The following TBC1D7 variants were observed in gnomAD, a reference collection of about 807,000 sequenced individuals.
TBC1D7 encodes TBC1 domain family member 7.
Under a neutral mutation model 35.3 loss-of-function variants are expected in TBC1D7, and 33 were observed. That is an observed-to-expected ratio of 0.93 (90% confidence interval 0.71 to 1.25). The LOEUF (loss-of-function observed/expected upper bound fraction) is 1.25. Ranked by LOEUF, TBC1D7 falls within the 50% of genes most tolerant of loss-of-function variation. TBC1D7 has a pLI of 0.00. For synonymous variants in TBC1D7, 135 were observed against 129.5 expected (o/e 1.04, Z -0.29); for missense variants, 362 against 365.3 (o/e 0.99, Z 0.07).
At chr6:13,318,579 T>C (rs1283954059) in intron 4 of TBC1D7, 1 of 152,220 alleles carries the variant, frequency 6.6e-6, no homozygotes, top group African/African-American at 2.4e-5. Flanking sequence ...ACGTAAGAAA[T>C]ATAAATGATC....
At chr6:13,326,411 C>A (rs1784408136) in intron 2 of TBC1D7, among the ~76,000 whole-genome samples, 1 of 148,824 alleles carries the variant, frequency 6.7e-6, no homozygotes, top group Admixed American at 6.7e-5. Context: ...TGCTGTGAGC[C>A]AAGATCACAC....
Position 13,325,393 on chromosome 6 carries a change from T to A in TBC1D7, c.113-219A>T, listed in dbSNP as rs551957840. Among the ~76,000 whole-genome samples, 4 of 152,358 alleles carry A rather than the reference T, an allele frequency of 2.6e-5. No homozygotes were observed. The South Asian group carries it at 8.3e-4, about 32-fold the overall frequency. On this transcript the variant is annotated intron_variant, in intron 2 of 7. Coordinates refer to ENST00000379300, the MANE Select transcript of TBC1D7 (RefSeq NM_016495.6). ...AAAAACAATTTGCGGCCAGGCACGGTGGCTCATGCCTGTAATCCCAGAACT... is the reference window on the plus strand; with the variant it reads ...AAAAACAATTTGCGGCCAGGCACGGAGGCTCATGCCTGTAATCCCAGAACT...
At position 13,326,793 on chromosome 6, in the gene TBC1D7, G is replaced by T; in HGVS notation, c.106C>A (p.Arg36Ser). 6.2e-7 allele frequency: 1 copy of T among 1,604,336 alleles called. No homozygotes were observed. The highest frequency in any genetic ancestry group is 1.3e-5 in the African/African-American group (1 of 74,806). The change falls in exon 2 of 8, where the codon CGT (arginine) becomes AGT (serine). Residue 36 changes from arginine to serine, a missense_variant. Transcript: ENST00000379300. ...AATTTTTAAAAGTACTCACCCAGAC[G>T]GTCATCTTTTAGGAGAATTTCTAAT... ...KSLEILLKDD[R>S]LDTEKLCTFS...
chr6:13,317,580 T>G (rs57343378), intron 4 of TBC1D7, among the ~76,000 whole-genome samples: 4,242 of 152,296 alleles, frequency 0.028, 186 homozygotes, highest in African/African-American at 0.096. Context: ...AAGAAAAACA[T>G]AATTTAAATC....
chr6:13,308,143 T>C (rs1313534520), intron 5 of TBC1D7, among the ~76,000 whole-genome samples: 1 of 151,990 alleles, frequency 6.6e-6, no homozygotes, highest in Non-Finnish European at 1.5e-5. Context: ...CAGCAGATTA[T>C]ATACTAAGGA....
At chr6:13,324,166 C>A (rs899218341) in intron 3 of TBC1D7, among the ~76,000 whole-genome samples, 1 of 150,982 alleles carries the variant, frequency 6.6e-6, no homozygotes, top group Non-Finnish European at 1.5e-5. Context: ...CTCGCTCTGT[C>A]GCCCAGGCTG....
intron 4 of TBC1D7, chr6:13,320,517 C>T (rs780131941): frequency 2.0e-5 from 10 of 508,326 alleles, no homozygotes; most frequent in Non-Finnish European, 2.4e-5. Flanking sequence ...CAGATGCACA[C>T]AAAGCAAAAC....
intron 4 of TBC1D7, 89 bp downstream of exon 4, chr6:13,320,819 T>C (rs1469491536): frequency 1.5e-6 from 2 of 1,353,124 alleles, no homozygotes; most frequent in East Asian, 2.3e-5. Flanking sequence ...CCACCAAAAG[T>C]TTTTAAGGCA....
chr6:13,314,674 C>T (rs1434431842), intron 5 of TBC1D7, among the ~76,000 whole-genome samples: 1 of 152,130 alleles, frequency 6.6e-6, no homozygotes, highest in Non-Finnish European at 1.5e-5. Context: ...AAAAACTGCT[C>T]TTGTAAGTGT....
chr6:13,314,239 T>C (rs568998594), intron 5 of TBC1D7, among the ~76,000 whole-genome samples: 7 of 150,878 alleles, frequency 4.6e-5, no homozygotes, highest in Non-Finnish European at 7.4e-5. Context: ...AATCATATCA[T>C]AGATGCATGC....
At chr6:13,320,702 TAA>T in intron 4 of TBC1D7, 1 of 681,234 alleles carries the variant, frequency 1.5e-6, no homozygotes, top group South Asian at 1.6e-5. Context: ...TACTTCAAAA[TAA>T]AACGTATTTT....
At chr6:13,322,849 A>T (rs1338120411) in intron 3 of TBC1D7, among the ~76,000 whole-genome samples, 1 of 152,238 alleles carries the variant, frequency 6.6e-6, no homozygotes, top group Non-Finnish European at 1.5e-5. Flanking sequence ...TGCTAGAGGC[A>T]GCACATTAAC....
chr6:13,308,205 G>C (rs1421617110), intron 5 of TBC1D7, among the ~76,000 whole-genome samples: 1 of 152,204 alleles, frequency 6.6e-6, no homozygotes, highest in Non-Finnish European at 1.5e-5. Flanking sequence ...TGGGATTAGA[G>C]TGGGGAGAGG....
rs200063581 is a variant in TBC1D7, at chr6:13,307,752, A to T, written c.520-7T>A. 338 of 1,612,080 alleles carry T rather than the reference A, an allele frequency of 2.1e-4. 1 individual carries two copies. The highest frequency in any genetic ancestry group is 2.8e-4 in the Non-Finnish European group (329 of 1,178,646). On this transcript the variant is annotated splice_region_variant and splice_polypyrimidine_tract_variant and intron_variant, in intron 5 of 7. Transcript: ENST00000379300. ...ATTGTTCAAACGCTTTTGGCTAAAG[A>T]TTAAGCAAGAACAGAGATTATTCAT...
intron 4 of TBC1D7, chr6:13,319,102 T>A (rs551017238): frequency 2.6e-5 from 4 of 152,120 alleles, no homozygotes; most frequent in Admixed American, 6.5e-5. Context: ...CAGACCCAAA[T>A]TGAGAAATGC....
chr6:13,316,575 T>G lies in TBC1D7; in HGVS notation c.515A>C (p.Gln172Pro), dbSNP rs1783636646. 1.3e-6 allele frequency: 2 copies of G among 1,595,402 alleles called. No individual in the cohort carries two copies. The highest frequency in any genetic ancestry group is 1.8e-5 in the Admixed American group (1 of 56,200). Residue 172 changes from glutamine (Q) to proline (P), a missense_variant, in exon 5 of 8, where the codon CAG (glutamine) becomes CCG (proline). Gln to Pro is a moderately conservative substitution (Grantham distance 76). Transcript: ENST00000379300. ...LNTKYRDSLP[Q>P]LPKAFEQYLN... ...AAAAAAAAAAAAAGCCCTCACCAAC[T>G]GGGGCAAGGAATCCCGGTACTTGGT...
chr6:13,317,553 A>G (rs773960602), intron 4 of TBC1D7, among the ~76,000 whole-genome samples: 1 of 152,246 alleles, frequency 6.6e-6, no homozygotes, highest in Non-Finnish European at 1.5e-5. Context: ...CAACTTGTTA[A>G]TATTCTATAA....
intron 2 of TBC1D7, among the ~76,000 whole-genome samples, chr6:13,326,219 T>C (rs560209096): frequency 3.5e-4 from 53 of 152,272 alleles, no homozygotes; most frequent in African/African-American, 1.1e-3. Context: ...TCCCAGCACT[T>C]TGGGAGGCCG....
At chr6:13,316,920 A>G (rs1369941208) in intron 4 of TBC1D7, among the ~76,000 whole-genome samples, 1 of 152,202 alleles carries the variant, frequency 6.6e-6, no homozygotes, top group South Asian at 2.1e-4. Flanking sequence ...CTTATGAATG[A>G]CCAGGTTTCA....
Sources: gnomAD v4.1 joint callset for allele counts (sites outside exome capture counted in the v4.1 genomes callset) on GRCh38, gnomAD v4.1.1 for gene constraint, MANE v1.5 for transcripts, NCBI Gene and HGNC (gene_info 2026-07-23, HGNC 2026-07-21) for gene names.